The following NUCB1 variants were observed in gnomAD, a reference collection of about 807,000 sequenced individuals.
NUCB1 encodes nucleobindin-1.
NUCB1 carries 47 observed loss-of-function variants against 61.2 expected under a neutral mutation model. The ratio of observed to expected loss-of-function variants is 0.77; its 90% CI spans 0.61 to 0.98. The LOEUF (loss-of-function observed/expected upper bound fraction) is 0.98. Ranked by LOEUF, NUCB1 falls within the 50% of genes least tolerant of loss-of-function variation. The pLI, the probability that NUCB1 is intolerant of heterozygous loss-of-function variation, is 0.00. For missense variants in NUCB1, 583 were observed against 605.3 expected (o/e 0.96, Z 0.39); for synonymous variants, 234 against 243.1 (o/e 0.96, Z 0.35).
At chr19:48,911,390 C>T (rs1030342949) in intron 5 of NUCB1, 138 bp downstream of exon 5, 17 of 474,670 alleles carry the variant, frequency 3.6e-5, no homozygotes, top group African/African-American at 1.5e-4. Context: ...AGGGCTGAGT[C>T]GTTTCTTTTC....
intron 2 of NUCB1, among the ~76,000 whole-genome samples, chr19:48,904,070 G>T (rs1417984867): frequency 6.6e-6 from 1 of 151,878 alleles, no homozygotes; most frequent in Non-Finnish European, 1.5e-5. Context: ...TGGATGAATG[G>T]GTGGATGCAT....
rs750449323 is a variant in NUCB1 at position 48,922,410 on chromosome 19, C to T, written c.1372C>T (p.Pro458Ser). The T allele has an allele frequency of 4.3e-6, 7 of 1,613,210 alleles. No homozygotes were observed. The Admixed American group carries it at 6.7e-5, about 15-fold the overall frequency. ...CGAGCGGCTCCCTGAGGTTGAGGTG[C>T]CCCAGCATCTGTGATCCTCCGGGAC... Reference protein sequence around the residue: ...LLERLPEVEVPQHL With the variant: ...LLERLPEVEVSQHL The change falls in exon 13 of 13, where the codon CCC (proline) becomes TCC (serine). Residue 458 changes from proline (P) to serine (S), a missense_variant. By Grantham distance (74) the Pro-to-Ser change is moderately conservative (BLOSUM62 -1). Transcript: ENST00000405315.
intron 4 of NUCB1, 107 bp downstream of exon 4, chr19:48,905,992 CGCT>C: frequency 8.3e-7 from 1 of 1,202,598 alleles, no homozygotes; most frequent in Non-Finnish European, 1.2e-6. Flanking sequence ...CCTCCCTCCC[CGCT>C]GCGAAATGTG....
At chr19:48,915,799 C>A (rs988741442) in intron 7 of NUCB1, among the ~76,000 whole-genome samples, 1 of 151,854 alleles carries the variant, frequency 6.6e-6, no homozygotes, top group African/African-American at 2.4e-5. Context: ...TCCCACCGGG[C>A]ACCACCCCCC....
chr19:48,917,938 C>T lies in NUCB1; in HGVS notation c.758-788C>T, dbSNP rs546327183. Reference sequence around the variant, plus strand: ...TACAGGCATGAGCCCCTAAATTTGGCCCCTACATTTTCTTTAATCTTAATC... The same window carrying T: ...TACAGGCATGAGCCCCTAAATTTGGTCCCTACATTTTCTTTAATCTTAATC... On this transcript the variant is annotated intron_variant, in intron 7 of 12. Transcript: ENST00000405315. Among the ~76,000 whole-genome samples the T allele has an allele frequency of 3.3e-5, 5 of 151,746 alleles. No individual in the cohort carries two copies. The Middle Eastern group carries it at 0.01, about 310-fold the overall frequency.
chr19:48,911,738 G>T (rs1156363385), intron 5 of NUCB1, among the ~76,000 whole-genome samples: 4 of 151,904 alleles, frequency 2.6e-5, no homozygotes. Flanking sequence ...TAATCTAGCA[G>T]GCCATCATCT....
At chr19:48,909,130 C>G (rs1422320124) in intron 4 of NUCB1, among the ~76,000 whole-genome samples, 3 of 152,010 alleles carry the variant, frequency 2.0e-5, no homozygotes, top group African/African-American at 4.8e-5. Context: ...TACCAGGCCC[C>G]TCTCCTTGGC....
intron 7 of NUCB1, 75 bp downstream of exon 7, chr19:48,913,639 G>A (rs2037505317): frequency 8.0e-7 from 1 of 1,252,576 alleles, no homozygotes. Flanking sequence ...ATGCTAAGAG[G>A]GGTGTGTCTG....
At chr19:48,918,920 C>T (rs1475088315) in intron 8 of NUCB1, 110 bp from the exon 9 acceptor site, 2 of 1,327,680 alleles carry the variant, frequency 1.5e-6, no homozygotes, top group Non-Finnish European at 2.1e-6. Flanking sequence ...GGGGCAAAAA[C>T]GGCTCCCAGG....
At chr19:48,915,795 C>T (rs1030970623) in intron 7 of NUCB1, among the ~76,000 whole-genome samples, 4 of 151,758 alleles carry the variant, frequency 2.6e-5, no homozygotes, top group Non-Finnish European at 4.4e-5. Context: ...GCCATCCCAC[C>T]GGGCACCACC....
chr19:48,900,915 C>G lies in NUCB1; in HGVS notation c.119C>G (p.Pro40Arg). 2 of 1,613,936 alleles carry G rather than the reference C, an allele frequency of 1.2e-6. No individual in the cohort carries two copies. The highest frequency in any genetic ancestry group is 1.7e-6 in the Non-Finnish European group (2 of 1,180,042). Residue 40 changes from proline (P) to arginine (R), a missense_variant, in exon 2 of 13, where the codon CCT becomes CGT. Pro to Arg is a moderately radical substitution (Grantham distance 103). Transcript: ENST00000405315. ...ERGAPNKEET[P>R]ATESPDTGLY... is the part of the protein sequence containing the mutation. ...GGGGCGCCCAACAAGGAGGAGACCC[C>G]TGCGACTGAGAGTCCCGTGAGTGGC...
At position 48,913,163 on chromosome 19, in the gene NUCB1, C is replaced by T. The variant is rs780685294; in HGVS notation, c.633C>T (p.Arg211=). 6.2e-6 allele frequency: 10 copies of T among 1,613,710 alleles called. No homozygotes were observed. Among genetic ancestry groups the T allele is most frequent in the South Asian group, 3.3e-5 (3 of 91,048 alleles). The stretch of plus-strand genomic sequence containing the variant: ...AGAGGAAGCTGGAAGAGCAACAGCG[C>T]CGGCACCGCGAGCACCCTAAAGTCA... ...EAERKLEEQQ[R]RHREHPKVNV... Residue 211 remains arginine (R), a synonymous_variant, in exon 6 of 13, where the codon CGC becomes CGT. Coordinates refer to ENST00000405315, the MANE Select transcript of NUCB1 (RefSeq NM_006184.6).
chr19:48,917,368 G>C (rs2037552580), intron 7 of NUCB1, among the ~76,000 whole-genome samples: 1 of 151,884 alleles, frequency 6.6e-6, no homozygotes, highest in African/African-American at 2.4e-5. Context: ...TTGTCACCCA[G>C]GCTGGAGTGC....
Position 48,900,908 on chromosome 19 carries a change from G to C in NUCB1, c.112G>C (p.Glu38Gln). 1.9e-6 allele frequency: 3 copies of C among 1,613,946 alleles called. No homozygotes were observed. The highest frequency in any genetic ancestry group is 2.5e-6 in the Non-Finnish European group (3 of 1,180,040). Residue 38 changes from glutamate (E) to glutamine (Q), a missense_variant, in exon 2 of 13, where the codon GAG becomes CAG. Glu to Gln is a conservative substitution (Grantham distance 29, BLOSUM62 2). Transcript: ENST00000405315. ...GGAGCGAGGGGCGCCCAACAAGGAG[G>C]AGACCCCTGCGACTGAGAGTCCCGT... Reference protein sequence around the residue: ...PLERGAPNKEETPATESPDTG... With the variant: ...PLERGAPNKEQTPATESPDTG...
Position 48,922,616 on chromosome 19 carries a change from G to A in NUCB1, c.*192G>A. 1.7e-6 allele frequency: 1 copy of A among 576,778 alleles called. No individual in the cohort carries two copies. The highest frequency in any genetic ancestry group is 3.1e-6 in the Non-Finnish European group (1 of 320,620). The allele number at this position is 576,778 out of a possible 1,614,324, so 35.7% of individuals were successfully genotyped here. ...CTCCACTTTCACAGCCTCCAAGTCTGTGGCTCTTCCCTTCTGTCCTCCGAG... is the reference window on the plus strand; with the variant it reads ...CTCCACTTTCACAGCCTCCAAGTCTATGGCTCTTCCCTTCTGTCCTCCGAG... On this transcript the variant is annotated 3_prime_UTR_variant, in exon 13 of 13. Transcript: ENST00000405315.
In NUCB1 at chr19:48,922,719, C is replaced by T. The variant is rs1045605440; in HGVS notation, c.*295C>T. 6.3e-5 allele frequency: 23 copies of T among 366,766 alleles called. No individual in the cohort carries two copies. Among genetic ancestry groups the T allele is most frequent in the East Asian group, 1.8e-4 (3 of 16,514 alleles). The allele number at this position is 366,766 out of a possible 1,614,324, so 22.7% of individuals were successfully genotyped here. ...GAGAAGCCCGCCCCCTCCCCTTCTC[C>T]GTCTGTCCCAAGAGGGTCTGCTCTG... On this transcript the variant is annotated 3_prime_UTR_variant, in exon 13 of 13. Transcript: ENST00000405315.
chr19:48,909,584 C>T (rs1421232518), intron 4 of NUCB1, among the ~76,000 whole-genome samples: 1 of 152,076 alleles, frequency 6.6e-6, no homozygotes, highest in East Asian at 1.9e-4. Context: ...TTCTATCCTC[C>T]AGGCTAGAGT....
At chr19:48,914,212 G>A (rs753035489) in intron 7 of NUCB1, among the ~76,000 whole-genome samples, 2 of 151,996 alleles carry the variant, frequency 1.3e-5, no homozygotes, top group Non-Finnish European at 2.9e-5. Context: ...CCAACCTCGT[G>A]TGATCTGCCC....
Position 48,921,152 on chromosome 19 carries a change from A to C in NUCB1, c.1003-2A>C. On this transcript the variant is annotated splice_acceptor_variant, in intron 10 of 12. Transcript: ENST00000405315. LOFTEE classifies it high-confidence loss of function. ...CTGATGGCCCCTGTGCCTGCCCTGC[A>C]GACAGTGGAGATGCACCCTGCCTAC... is the stretch of plus-strand genomic sequence containing the variant. 6.2e-7 allele frequency: 1 copy of C among 1,604,194 alleles called. No individual in the cohort carries two copies. The highest frequency in any genetic ancestry group is 1.3e-5 in the African/African-American group (1 of 74,778).
Sources: gnomAD v4.1 joint callset for allele counts (sites outside exome capture counted in the v4.1 genomes callset) on GRCh38, gnomAD v4.1.1 for gene constraint, MANE v1.5 for transcripts, NCBI Gene and HGNC (gene_info 2026-07-23, HGNC 2026-07-21) for gene names.